ADIPOQ: variants seen among roughly 807,000 people sequenced by gnomAD.
ADIPOQ encodes the protein adiponectin.
Under a neutral mutation model 16.1 loss-of-function variants are expected in ADIPOQ, and 19 were observed. That is an observed-to-expected ratio of 1.18 (90% CI 0.82 to 1.73). ADIPOQ has a LOEUF of 1.73. Ranked by LOEUF, ADIPOQ falls within the 40% of genes most tolerant of loss-of-function variation. ADIPOQ has a pLI of 0.00. For missense variants in ADIPOQ, 323 were observed against 308.3 expected, an observed-to-expected ratio of 1.05 and a Z score of -0.36; for synonymous variants, 124 against 125.5, an observed-to-expected ratio of 0.99 and a Z score of 0.08.
At chr3:186,851,163 G>A (rs544239282) in intron 1 of ADIPOQ, among the ~76,000 whole-genome samples, 3 of 152,224 alleles carry the variant, frequency 2.0e-5, no homozygotes, top group African/African-American at 7.2e-5. Context: ...CCTAATTCTG[G>A]AGACTTCATA....
At chr3:186,846,195 G>A (rs1711572843) in intron 1 of ADIPOQ, among the ~76,000 whole-genome samples, 1 of 152,002 alleles carries the variant, frequency 6.6e-6, no homozygotes, top group Non-Finnish European at 1.5e-5. Flanking sequence ...AAGCAAGGCA[G>A]GGGTGAGGTG....
chr3:186,853,790 G>A, intron 2 of ADIPOQ: 2 of 230,482 alleles, frequency 8.7e-6, no homozygotes, highest in South Asian at 1.8e-4. Context: ...TGGACCTGAT[G>A]AAGAATGAAG....
In ADIPOQ at chr3:186,857,893, TTTTC is replaced by T. The variant is rs1220119976; in HGVS notation, c.*3196_*3199del. 1.2e-3 allele frequency: 186 copies of T among 152,110 alleles called. No individual in the cohort carries two copies. The highest frequency in any genetic ancestry group is 4.2e-3 in the African/African-American group (176 of 41,540). 9.4% of individuals were successfully genotyped at this position (152,110 alleles called of 1,614,324 possible). On this transcript the variant is annotated 3_prime_UTR_variant, in exon 3 of 3. Coordinates refer to ENST00000320741, the MANE Select transcript of ADIPOQ (RefSeq NM_004797.4). ...AAAATAACATACGCACTCAACTTCCTTTTCTTTCTTCCTTCCTTTCTTTCTTCCT... is the reference window on the plus strand; with the variant it reads ...AAAATAACATACGCACTCAACTTCCTTTTCTTCCTTCCTTTCTTTCTTCCT...
chr3:186,854,355 C>G lies in ADIPOQ; in HGVS notation c.386C>G (p.Pro129Arg), dbSNP rs1055325913. ...ACTTACGTTACTATCCCCAACATGCCCATTCGCTTTACCAAGATCTTCTAC... is the reference window on the plus strand; with the variant it reads ...ACTTACGTTACTATCCCCAACATGCGCATTCGCTTTACCAAGATCTTCTAC... ...LETYVTIPNM[P>R]IRFTKIFYNQ... The change falls in exon 3 of 3, where the codon CCC becomes CGC. Residue 129 changes from proline (P) to arginine (R), a missense_variant. By Grantham distance (103) the Pro-to-Arg change is moderately radical. Coordinates refer to ENST00000320741, the MANE Select transcript of ADIPOQ (RefSeq NM_004797.4). 1.2e-6 allele frequency: 2 copies of G among 1,614,018 alleles called. No homozygotes were observed. Among genetic ancestry groups the G allele is most frequent in the East Asian group, 4.5e-5 (2 of 44,898 alleles).
At chr3:186,848,187 A>AAAAG (rs10662925) in intron 1 of ADIPOQ, among the ~76,000 whole-genome samples, 3,203 of 131,860 alleles carry the variant, frequency 0.024, 169 homozygotes, top group Middle Eastern at 0.049. Context: ...ACAAAAAAAA[A>AAAAG]AGAGAGAGAG....
intron 1 of ADIPOQ, among the ~76,000 whole-genome samples, chr3:186,847,645 A>G (rs1379596918): frequency 3.3e-5 from 5 of 152,206 alleles, no homozygotes; most frequent in Admixed American, 2.0e-4. Context: ...ACCAAAAACA[A>G]TTAAGCAGAT....
In ADIPOQ at chr3:186,857,100, C is replaced by G. The variant is rs1712034306; in HGVS notation, c.*2396C>G. 1 of 152,238 alleles carries G rather than the reference C, an allele frequency of 6.6e-6. No individual in the cohort carries two copies. The highest frequency in any genetic ancestry group is 1.5e-5 in the Non-Finnish European group (1 of 68,058). The allele number at this position is 152,238 out of a possible 1,614,324, so 9.4% of individuals were successfully genotyped here. A position where few individuals can be genotyped will look rare whatever the true frequency, so the allele number is the denominator to read the frequency against. The stretch of plus-strand genomic sequence containing the variant: ...CTCTCGTATCCCCAAGCCACACCAT[C>G]TGGCTAAATGGACATCATGTTTTCT... On this transcript the variant is annotated 3_prime_UTR_variant, in exon 3 of 3. Coordinates refer to ENST00000320741, the MANE Select transcript of ADIPOQ (RefSeq NM_004797.4).
chr3:186,853,177 T>A lies in ADIPOQ; in HGVS notation c.119T>A (p.Met40Lys), dbSNP rs1391272583. Residue 40 changes from methionine to lysine, a missense_variant, in exon 2 of 3, where the codon ATG (methionine) becomes AAG (lysine). Coordinates refer to ENST00000320741, the MANE Select transcript of ADIPOQ (RefSeq NM_004797.4). ...CCCAAGGGGGCCTGCACAGGTTGGA[T>A]GGCGGGCATCCCAGGGCATCCGGGC... ...PLPKGACTGWMAGIPGHPGHN... is the reference protein window; with the variant it reads ...PLPKGACTGWKAGIPGHPGHN... 6.2e-7 allele frequency: 1 copy of A among 1,614,116 alleles called. No homozygotes were observed. The highest frequency in any genetic ancestry group is 8.5e-7 in the Non-Finnish European group (1 of 1,179,992).
intron 1 of ADIPOQ, chr3:186,852,780 A>T (rs1711826371): frequency 4.5e-6 from 2 of 443,886 alleles, no homozygotes; most frequent in South Asian, 5.9e-5. Context: ...AAATTAGAGG[A>T]GTGTCATCTG....
chr3:186,850,789 A>G (rs1711725167), intron 1 of ADIPOQ, among the ~76,000 whole-genome samples: 1 of 152,126 alleles, frequency 6.6e-6, no homozygotes, highest in South Asian at 2.1e-4. Flanking sequence ...AGTTTTACAT[A>G]AAGTATGATT....
intron 1 of ADIPOQ, among the ~76,000 whole-genome samples, chr3:186,851,430 C>T (rs149026361): frequency 6.6e-6 from 1 of 152,122 alleles, no homozygotes; most frequent in African/African-American, 2.4e-5. Flanking sequence ...CCCCTAAGAT[C>T]GGAGGCAGAA....
At chr3:186,852,961 C>T (rs1711832467) in intron 1 of ADIPOQ, 90 bp from the exon 2 acceptor site, 5 of 1,382,484 alleles carry the variant, frequency 3.6e-6, no homozygotes, top group Non-Finnish European at 5.1e-6. Flanking sequence ...GTAGACTCTG[C>T]TGAGATGGAC....
At chr3:186,844,315 T>C (rs1337156487) in intron 1 of ADIPOQ, among the ~76,000 whole-genome samples, 2 of 152,036 alleles carry the variant, frequency 1.3e-5, no homozygotes, top group South Asian at 2.1e-4. Flanking sequence ...GCCCAGCTAA[T>C]TTTTATATTT....
At position 186,857,040 on chromosome 3, in the gene ADIPOQ, C is replaced by G. The variant is rs1712031602; in HGVS notation, c.*2336C>G. On this transcript the variant is annotated 3_prime_UTR_variant, in exon 3 of 3. Coordinates refer to ENST00000320741, the MANE Select transcript of ADIPOQ (RefSeq NM_004797.4). ...GCTACACAGTATAGTTCTAGGGTTT[C>G]CCTCCCGATATCAAAAAGACTGTGG... 6.6e-6 allele frequency: 1 copy of G among 152,190 alleles called. No individual in the cohort carries two copies. Among genetic ancestry groups the G allele is most frequent in the African/African-American group, 2.4e-5 (1 of 41,438 alleles). The allele number at this position is 152,190 out of a possible 1,614,324, so 9.4% of individuals were successfully genotyped here.
intron 2 of ADIPOQ, chr3:186,853,707 T>G: frequency 4.6e-6 from 1 of 219,160 alleles, no homozygotes; most frequent in Non-Finnish European, 9.1e-6. Context: ...TACAAGAAAG[T>G]CTACTCTAAA....
rs957904877 is a variant in ADIPOQ, at chr3:186,855,936, C to T, written c.*1232C>T. 3 of 152,248 alleles carry T rather than the reference C, an allele frequency of 2.0e-5. No individual in the cohort carries two copies. Among genetic ancestry groups the T allele is most frequent in the African/African-American group, 7.2e-5 (3 of 41,456 alleles). 9.4% of individuals were successfully genotyped at this position (152,248 alleles called of 1,614,324 possible). On this transcript the variant is annotated 3_prime_UTR_variant, in exon 3 of 3. Transcript: ENST00000320741. Reference sequence around the variant, plus strand: ...ATCCCATATCTACCCAGAATTAACTCCATTCCAGTCTCTGCATGTAATCAG... The same window carrying T: ...ATCCCATATCTACCCAGAATTAACTTCATTCCAGTCTCTGCATGTAATCAG...
intron 1 of ADIPOQ, among the ~76,000 whole-genome samples, chr3:186,849,833 G>C (rs1262929051): frequency 2.0e-5 from 3 of 152,078 alleles, no homozygotes; most frequent in Non-Finnish European, 4.4e-5. Context: ...AATCATTTGA[G>C]TACCTTAGGT....
intron 1 of ADIPOQ, among the ~76,000 whole-genome samples, chr3:186,847,359 A>T (rs549599917): frequency 6.6e-6 from 1 of 152,346 alleles, no homozygotes; most frequent in South Asian, 2.1e-4. Flanking sequence ...AGTCCACAAA[A>T]TTTTTAATTT....
chr3:186,852,967 T>C (rs566914377), intron 1 of ADIPOQ, 84 bp from the exon 2 acceptor site: 4 of 1,430,062 alleles, frequency 2.8e-6, no homozygotes, highest in Middle Eastern at 1.9e-4. Flanking sequence ...TCTGCTGAGA[T>C]GGACGGAGTC....
Sources: allele counts gnomAD v4.1 joint callset (sites outside exome capture counted in the v4.1 genomes callset), GRCh38; gene constraint gnomAD v4.1.1; transcripts MANE v1.5; gene names NCBI Gene and HGNC (gene_info 2026-07-23, HGNC 2026-07-21).